Variants in SGCZ observed in about 807,000 individuals in gnomAD.
SGCZ encodes the protein sarcoglycan zeta.
In SGCZ, 40 loss-of-function variants were observed where a neutral mutation model predicts 41.3. That is an observed-to-expected ratio of 0.97 (90% CI 0.75 to 1.26). The LOEUF (loss-of-function observed/expected upper bound fraction) is 1.26. SGCZ is among the 50% of genes most tolerant of loss of function. The pLI is 0.00. For missense variants in SGCZ, 552 were observed against 369.8 expected (o/e 1.49, Z -4.04); for synonymous variants, 206 against 137.5 (o/e 1.50, Z -3.49).
chr8:14,617,647 G>T (rs1563156244), intron 1 of SGCZ, among the ~76,000 whole-genome samples: 2 of 152,122 alleles, frequency 1.3e-5, no homozygotes, highest in South Asian at 2.1e-4. Context: ...GTAATCCAGG[G>T]AAAATGTCCA....
chr8:14,308,086 G>GAAA (rs1801404581), intron 3 of SGCZ, among the ~76,000 whole-genome samples: 1 of 152,014 alleles, frequency 6.6e-6, no homozygotes, highest in Non-Finnish European at 1.5e-5. Flanking sequence ...TATTCATTTT[G>GAAA]TCAAAAATGA....
chr8:14,432,431 G>T (rs555839170), intron 2 of SGCZ, among the ~76,000 whole-genome samples: 33 of 152,172 alleles, frequency 2.2e-4, no homozygotes, highest in Non-Finnish European at 4.3e-4. Flanking sequence ...CTCAGGAATG[G>T]AAAACTAAAC....
chr8:14,504,896 T>C (rs2117060358), intron 2 of SGCZ, among the ~76,000 whole-genome samples: 1 of 152,306 alleles, frequency 6.6e-6, no homozygotes, highest in Middle Eastern at 3.4e-3. Flanking sequence ...TGATTCCTAA[T>C]TCTTTGTTAT....
intron 2 of SGCZ, among the ~76,000 whole-genome samples, chr8:14,457,636 T>A (rs1217627538): frequency 2.0e-5 from 3 of 152,208 alleles, no homozygotes; most frequent in Non-Finnish European, 4.4e-5. Context: ...ATAGCAGTAG[T>A]AAATTAGTGA....
At chr8:14,473,407 A>G (rs1801266707) in intron 2 of SGCZ, among the ~76,000 whole-genome samples, 1 of 152,208 alleles carries the variant, frequency 6.6e-6, no homozygotes, top group Non-Finnish European at 1.5e-5. Flanking sequence ...AAATAACTTC[A>G]TTAAAATATC....
chr8:14,940,719 T>C (rs1489672549), intron 1 of SGCZ, among the ~76,000 whole-genome samples: 2 of 151,986 alleles, frequency 1.3e-5, no homozygotes, highest in Non-Finnish European at 2.9e-5. Context: ...AACAGGTAAG[T>C]GTATTTGACC....
At position 14,273,622 on chromosome 8, in the gene SGCZ, G is replaced by A. The variant is rs80117999; in HGVS notation, c.337-35943C>T. ...AGTTTTATACATTTTTGCATATTGT[G>A]TTTTAAACCTTTAACAAGAAAATCC... On this transcript the variant is annotated intron_variant, in intron 3 of 7. Coordinates refer to ENST00000382080, the MANE Select transcript of SGCZ (RefSeq NM_139167.4). Among the ~76,000 whole-genome samples, 1,445 of 152,136 alleles carry A rather than the reference G, an allele frequency of 9.5e-3. 26 individuals carry two copies. The highest frequency in any genetic ancestry group is 0.033 in the African/African-American group (1,353 of 41,504).
chr8:14,217,054 G>C (rs896760812), intron 4 of SGCZ, among the ~76,000 whole-genome samples: 1 of 152,094 alleles, frequency 6.6e-6, no homozygotes, highest in Non-Finnish European at 1.5e-5. Flanking sequence ...TTGGGAGGCC[G>C]AGGTGGGTGG....
rs1465420922 is a variant in SGCZ, at chr8:15,198,405, A to G, written c.39+39180T>C. The stretch of plus-strand genomic sequence containing the variant: ...GCATATTAAATTTCACAGGGCCTTT[A>G]GGGTATCTTTATTCTAGTCTATCCT... On this transcript the variant is annotated intron_variant, in intron 1 of 7. Coordinates refer to ENST00000382080, the MANE Select transcript of SGCZ (RefSeq NM_139167.4). Among the ~76,000 whole-genome samples, 5 of 152,052 alleles carry G rather than the reference A, an allele frequency of 3.3e-5. No individual in the cohort carries two copies. The East Asian group carries it at 9.6e-4, about 29-fold the overall frequency.
At chr8:14,165,616 A>AAGAT (rs1804184399) in intron 4 of SGCZ, among the ~76,000 whole-genome samples, 1 of 152,104 alleles carries the variant, frequency 6.6e-6, no homozygotes, top group South Asian at 2.1e-4. Flanking sequence ...CGCTCCTATT[A>AAGAT]AGATAGGAAA....
chr8:14,969,920 G>A (rs924061034), intron 1 of SGCZ, among the ~76,000 whole-genome samples: 5 of 151,996 alleles, frequency 3.3e-5, no homozygotes, highest in Non-Finnish European at 7.4e-5. Flanking sequence ...ATGTTTCAAC[G>A]TCAAGAAATT....
intron 1 of SGCZ, among the ~76,000 whole-genome samples, chr8:14,774,865 C>T (rs1212493954): frequency 6.6e-6 from 1 of 152,072 alleles, no homozygotes; most frequent in Non-Finnish European, 1.5e-5. Flanking sequence ...TAATTTACTA[C>T]CTATTAAGTA....
At chr8:14,844,097 G>T (rs1803018474) in intron 1 of SGCZ, among the ~76,000 whole-genome samples, 1 of 151,600 alleles carries the variant, frequency 6.6e-6, no homozygotes, top group Admixed American at 6.6e-5. Flanking sequence ...GGTATTCATG[G>T]TTTCAGGACC....
At chr8:14,131,062 G>A (rs892703516) in intron 5 of SGCZ, among the ~76,000 whole-genome samples, 2 of 152,104 alleles carry the variant, frequency 1.3e-5, no homozygotes, top group Admixed American at 6.6e-5. Context: ...TGTTTGGAAC[G>A]CTGTCCCTCT....
chr8:14,361,968 A>G lies in SGCZ; in HGVS notation c.235-37764T>C, dbSNP rs147010352. Among the ~76,000 whole-genome samples the G allele has an allele frequency of 1.4e-3, 211 of 152,194 alleles. 1 individual carries two copies. In the East Asian group the frequency reaches 0.03, roughly 22 times the overall value. ...AGCTGCAGGTCTGCTGGAGTTTTCTAGAGGTCAACTCCAGACCCTGCTTGC... is the reference window on the plus strand; with the variant it reads ...AGCTGCAGGTCTGCTGGAGTTTTCTGGAGGTCAACTCCAGACCCTGCTTGC... On this transcript the variant is annotated intron_variant, in intron 2 of 7. Coordinates refer to ENST00000382080, the MANE Select transcript of SGCZ (RefSeq NM_139167.4).
chr8:15,111,653 G>C (rs1192851192), intron 1 of SGCZ, among the ~76,000 whole-genome samples: 1 of 152,150 alleles, frequency 6.6e-6, no homozygotes, highest in East Asian at 1.9e-4. Context: ...TGTAATCGCA[G>C]CACTTTGGGA....
intron 2 of SGCZ, among the ~76,000 whole-genome samples, chr8:14,351,518 T>C (rs1256460120): frequency 1.3e-5 from 2 of 151,514 alleles, no homozygotes; most frequent in Non-Finnish European, 2.9e-5. Flanking sequence ...AATACCTTTC[T>C]AGAAAAAAGT....
At chr8:15,225,095 A>C (rs1161556172) in intron 1 of SGCZ, among the ~76,000 whole-genome samples, 2 of 152,198 alleles carry the variant, frequency 1.3e-5, no homozygotes, top group African/African-American at 4.8e-5. Context: ...AATCTAATGG[A>C]CATATATAGG....
chr8:14,838,467 A>G (rs2130619958), intron 1 of SGCZ, among the ~76,000 whole-genome samples: 1 of 152,212 alleles, frequency 6.6e-6, no homozygotes, highest in Non-Finnish European at 1.5e-5. Flanking sequence ...CCAGAAGACA[A>G]TATTCCTCTG....
Sources: gnomAD v4.1 joint callset for allele counts (sites outside exome capture counted in the v4.1 genomes callset) on GRCh38, gnomAD v4.1.1 for gene constraint, MANE v1.5 for transcripts, NCBI Gene and HGNC (gene_info 2026-07-23, HGNC 2026-07-21) for gene names.